ARL6: variants seen among roughly 807,000 people sequenced by gnomAD.
ARL6 encodes ADP-ribosylation factor-like protein 6.
ARL6 carries 18 observed loss-of-function variants against 27.1 expected under a neutral mutation model. The ratio of observed to expected loss-of-function variants is 0.66; its 90% CI spans 0.46 to 0.98. The LOEUF (loss-of-function observed/expected upper bound fraction) is 0.98, where lower values mean the gene tolerates loss of function less well. ARL6 is among the 50% of genes least tolerant of loss of function. The pLI, the probability that ARL6 is intolerant of heterozygous loss-of-function variation, is 0.00. For synonymous variants in ARL6, 65 were observed against 72.3 expected (o/e 0.90, Z 0.51); for missense variants, 187 against 214.9 (o/e 0.87, Z 0.81).
At chr3:97,766,129 C>T (rs372695040) in intron 1 of ARL6, 76 of 152,260 alleles carry the variant, frequency 5.0e-4, no homozygotes, top group African/African-American at 1.7e-3. Flanking sequence ...AGGCTTTAAA[C>T]ACTCAGTGCT....
intron 2 of ARL6, among the ~76,000 whole-genome samples, chr3:97,772,267 C>T (rs1226665920): frequency 6.6e-6 from 1 of 152,078 alleles, no homozygotes; most frequent in Non-Finnish European, 1.5e-5. Flanking sequence ...TTGAATGTGT[C>T]CGGCAATTTA....
intron 7 of ARL6, among the ~76,000 whole-genome samples, chr3:97,793,907 T>C (rs1009673586): frequency 6.6e-6 from 1 of 152,114 alleles, no homozygotes; most frequent in Non-Finnish European, 1.5e-5. Context: ...TTTATTCTAC[T>C]ACTTATTAAT....
chr3:97,778,163 G>C (rs2037001647), intron 2 of ARL6, among the ~76,000 whole-genome samples: 1 of 152,020 alleles, frequency 6.6e-6, no homozygotes, highest in African/African-American at 2.4e-5. Flanking sequence ...ATGAAGTTGG[G>C]GGAACATTAA....
intron 7 of ARL6, among the ~76,000 whole-genome samples, chr3:97,796,416 C>T (rs1252015506): frequency 6.6e-6 from 1 of 151,700 alleles, no homozygotes; most frequent in African/African-American, 2.4e-5. Flanking sequence ...AAAATAGAGG[C>T]AAACTCCCAG....
rs2038239630 is a variant in ARL6 at position 97,801,108 on chromosome 3, A to C, written c.*3059A>C. 1 of 152,198 alleles carries C rather than the reference A, an allele frequency of 6.6e-6. No homozygotes were observed. Among genetic ancestry groups the C allele is most frequent in the Non-Finnish European group, 1.5e-5 (1 of 68,024 alleles). 9.4% of individuals were successfully genotyped at this position (152,198 alleles called of 1,614,324 possible). ...GTGCATTAAAATACTATTGCATTGT[A>C]ACTGAGTTTGTACCTATTTTCTGCT... On this transcript the variant is annotated 3_prime_UTR_variant, in exon 8 of 8. Coordinates refer to ENST00000463745, the MANE Select transcript of ARL6 (RefSeq NM_001278293.3).
chr3:97,766,276 A>G (rs1263391355), intron 1 of ARL6, among the ~76,000 whole-genome samples: 1 of 152,262 alleles, frequency 6.6e-6, no homozygotes, highest in African/African-American at 2.4e-5. Context: ...GAGTAATAGC[A>G]AATTTACTTT....
At chr3:97,786,501 T>C (rs1186746716) in intron 5 of ARL6, among the ~76,000 whole-genome samples, 1 of 152,212 alleles carries the variant, frequency 6.6e-6, no homozygotes, top group African/African-American at 2.4e-5. Context: ...AATGGGGATT[T>C]TGATTTCCTC....
intron 2 of ARL6, among the ~76,000 whole-genome samples, chr3:97,777,416 A>G: frequency 6.6e-6 from 1 of 152,178 alleles, no homozygotes; most frequent in Non-Finnish European, 1.5e-5. Context: ...CATATAACTT[A>G]TGCACATCCT....
chr3:97,788,921 A>G (rs183896945), intron 6 of ARL6, among the ~76,000 whole-genome samples: 31 of 152,212 alleles, frequency 2.0e-4, no homozygotes, highest in East Asian at 1.9e-4. Context: ...TCTCTGCTGT[A>G]AGAGGTCCTT....
intron 2 of ARL6, among the ~76,000 whole-genome samples, chr3:97,776,601 T>A (rs2036912963): frequency 6.6e-6 from 1 of 152,182 alleles, no homozygotes; most frequent in South Asian, 2.1e-4. Context: ...TGAAGCCTAA[T>A]TGCTTCTTGC....
chr3:97,790,550 C>T (rs2037682715), intron 6 of ARL6, among the ~76,000 whole-genome samples: 1 of 152,074 alleles, frequency 6.6e-6, no homozygotes, highest in South Asian at 2.1e-4. Flanking sequence ...GTAATGACAC[C>T]TACACCAGAG....
intron 2 of ARL6, among the ~76,000 whole-genome samples, chr3:97,770,429 C>G (rs1034130842): frequency 6.6e-6 from 1 of 151,838 alleles, no homozygotes; most frequent in African/African-American, 2.4e-5. Flanking sequence ...CTTCTGTATT[C>G]TGGTTATTAA....
intron 2 of ARL6, among the ~76,000 whole-genome samples, chr3:97,772,724 C>T (rs547711277): frequency 5.3e-5 from 8 of 150,052 alleles, no homozygotes; most frequent in African/African-American, 9.8e-5. Context: ...CGGGTTCAAG[C>T]GATTCTCCTG....
At chr3:97,772,529 A>C (rs772679154) in intron 2 of ARL6, among the ~76,000 whole-genome samples, 1 of 132,066 alleles carries the variant, frequency 7.6e-6, no homozygotes, top group African/African-American at 2.8e-5. Flanking sequence ...TATGATCTTT[A>C]TTTATTTCCT....
intron 3 of ARL6, 54 bp from the exon 4 acceptor site, chr3:97,780,561 A>G (rs2037141944): frequency 7.0e-7 from 1 of 1,422,924 alleles, no homozygotes; most frequent in Non-Finnish European, 9.9e-7. Flanking sequence ...TAAAATTTTA[A>G]GTAAAAGTTA....
At chr3:97,781,865 G>T (rs1355127574) in intron 4 of ARL6, among the ~76,000 whole-genome samples, 1 of 151,976 alleles carries the variant, frequency 6.6e-6, no homozygotes, top group African/African-American at 2.4e-5. Flanking sequence ...CCTTGAAATG[G>T]TATGTGATAT....
At chr3:97,792,729 T>C (rs898400182) in intron 7 of ARL6, among the ~76,000 whole-genome samples, 4 of 152,188 alleles carry the variant, frequency 2.6e-5, no homozygotes, top group African/African-American at 9.6e-5. Flanking sequence ...AAAGAATGGC[T>C]TGAAGCACAC....
At chr3:97,790,109 T>C (rs928682214) in intron 6 of ARL6, among the ~76,000 whole-genome samples, 1 of 151,596 alleles carries the variant, frequency 6.6e-6, no homozygotes, top group African/African-American at 2.4e-5. Context: ...TGTGTATGTA[T>C]ACTTGTTTAC....
chr3:97,789,459 T>C (rs1014614706), intron 6 of ARL6, among the ~76,000 whole-genome samples: 5 of 152,314 alleles, frequency 3.3e-5, no homozygotes, highest in South Asian at 4.1e-4. Flanking sequence ...AATTATTAAA[T>C]AACCATCTTT....
Sources: allele counts gnomAD v4.1 joint callset (sites outside exome capture counted in the v4.1 genomes callset), GRCh38; gene constraint gnomAD v4.1.1; transcripts MANE v1.5; gene names NCBI Gene and HGNC (gene_info 2026-07-23, HGNC 2026-07-21).